ALG6: variants seen among roughly 807,000 people sequenced by gnomAD.
ALG6 encodes the protein dolichyl pyrophosphate Man9GlcNAc2 alpha-1,3-glucosyltransferase.
Under a neutral mutation model 66.6 loss-of-function variants are expected in ALG6, and 46 were observed. The ratio of observed to expected loss-of-function variants is 0.69; its 90% CI spans 0.55 to 0.88. ALG6 has a LOEUF of 0.88. Ranked by LOEUF, ALG6 falls within the 40% of genes least tolerant of loss-of-function variation. The pLI, the probability that ALG6 is intolerant of heterozygous loss-of-function variation, is 0.00. For missense variants in ALG6, 505 were observed against 586.8 expected, an observed-to-expected ratio of 0.86 and a Z score of 1.44; for synonymous variants, 185 against 203.7, an observed-to-expected ratio of 0.91 and a Z score of 0.78.
intron 1 of ALG6, among the ~76,000 whole-genome samples, chr1:63,370,174 AAAGT>A (rs960788554): frequency 6.6e-6 from 1 of 152,134 alleles, no homozygotes; most frequent in African/African-American, 2.4e-5. Flanking sequence ...AAAAAAAAAA[AAAGT>A]AAGTGGTTAA....
chr1:63,400,757 C>T (rs1407695003), intron 3 of ALG6, among the ~76,000 whole-genome samples: 1 of 152,098 alleles, frequency 6.6e-6, no homozygotes, highest in Non-Finnish European at 1.5e-5. Context: ...ATTGCTGTAT[C>T]CATCTTAGTT....
At chr1:63,434,292 T>C (rs537508694) in intron 14 of ALG6, among the ~76,000 whole-genome samples, 2 of 152,292 alleles carry the variant, frequency 1.3e-5, no homozygotes, top group African/African-American at 4.8e-5. Context: ...TTGCTGGGGT[T>C]GTGAAAGAGA....
At chr1:63,402,513 C>T (rs1293232635) in intron 4 of ALG6, among the ~76,000 whole-genome samples, 170 bp downstream of exon 4, 1 of 130,328 alleles carries the variant, frequency 7.7e-6, no homozygotes, top group South Asian at 2.5e-4. Context: ...ATCGCCCAGG[C>T]TGGAGTGCAG....
chr1:63,367,732 G>A (rs1647772513), intron 1 of ALG6, 45 bp downstream of exon 1: 2 of 152,300 alleles, frequency 1.3e-5, no homozygotes, highest in Admixed American at 6.5e-5. Context: ...AGGCCAGTGT[G>A]GGGAGGTGCC....
chr1:63,371,318 A>ATCATTTC, intron 2 of ALG6: 1 of 450,742 alleles, frequency 2.2e-6, no homozygotes, highest in South Asian at 2.2e-5. Context: ...ATGATTCTGT[A>ATCATTTC]TTAAACATTG....
chr1:63,422,032 GTA>G (rs1312576250), intron 12 of ALG6, among the ~76,000 whole-genome samples: 1 of 135,126 alleles, frequency 7.4e-6, no homozygotes, highest in African/African-American at 2.8e-5. Flanking sequence ...ATACATATAT[GTA>G]TATATATAAT....
intron 2 of ALG6, among the ~76,000 whole-genome samples, chr1:63,394,061 A>C (rs942524352): frequency 1.1e-4 from 16 of 152,220 alleles, no homozygotes; most frequent in Admixed American, 1.0e-3. Flanking sequence ...ATCTTCTTAG[A>C]GATTATAGCG....
At position 63,367,655 on chromosome 1, in the gene ALG6, A is replaced by AGGCGCGAATCCCAGCGGCC. The variant is rs1208677457; in HGVS notation, c.-235_-217dup. The stretch of plus-strand genomic sequence containing the variant: ...CATGCGCCTTCCTGGGACCCACGGC[A>AGGCGCGAATCCCAGCGGCC]GGCGCGAATCCCAGCGGCCGGCGGG... On this transcript the variant is annotated 5_prime_UTR_variant, in exon 1 of 15. It removes the in-frame stop codon of an upstream open reading frame in the 5' UTR. Transcript: ENST00000263440. The AGGCGCGAATCCCAGCGGCC allele has an allele frequency of 7.2e-5, 11 of 152,290 alleles. No homozygotes were observed. Among genetic ancestry groups the AGGCGCGAATCCCAGCGGCC allele is most frequent in the Non-Finnish European group, 1.5e-4 (10 of 68,116 alleles). The allele number at this position is 152,290 out of a possible 1,614,324, so 9.4% of individuals were successfully genotyped here. A position where few individuals can be genotyped will look rare whatever the true frequency, so the allele number is the denominator to read the frequency against.
Position 63,437,104 on chromosome 1 carries a change from T to A in ALG6, c.*84T>A. 8.4e-7 allele frequency: 1 copy of A among 1,187,834 alleles called. No homozygotes were observed. The highest frequency in any genetic ancestry group is 1.2e-6 in the Non-Finnish European group (1 of 826,416). The allele number at this position is 1,187,834 out of a possible 1,614,324, so 73.6% of individuals were successfully genotyped here. On this transcript the variant is annotated 3_prime_UTR_variant, in exon 15 of 15. Coordinates refer to ENST00000263440, the MANE Select transcript of ALG6 (RefSeq NM_013339.4). ...GGTTTTGTGAACTTTTTGCTATGTA[T>A]AAATGAAATTACCATTTTGAGAACC... is the stretch of plus-strand genomic sequence containing the variant.
chr1:63,386,383 C>A (rs1460424249), intron 2 of ALG6, among the ~76,000 whole-genome samples: 1 of 151,884 alleles, frequency 6.6e-6, no homozygotes, highest in African/African-American at 2.4e-5. Context: ...TTGAATAGGA[C>A]TGATATTAGG....
chr1:63,391,049 T>A (rs963002844), intron 2 of ALG6, among the ~76,000 whole-genome samples: 1 of 152,202 alleles, frequency 6.6e-6, no homozygotes, highest in Non-Finnish European at 1.5e-5. Flanking sequence ...GGACAGTTGC[T>A]GGAGGGTTCT....
At chr1:63,369,822 A>T (rs984007957) in intron 1 of ALG6, among the ~76,000 whole-genome samples, 4 of 150,296 alleles carry the variant, frequency 2.7e-5, no homozygotes, top group Admixed American at 6.6e-5. Context: ...TTTGCTTTTT[A>T]TTTTTTTTTG....
intron 12 of ALG6, among the ~76,000 whole-genome samples, chr1:63,421,978 C>T (rs1644575907): frequency 1.4e-5 from 2 of 146,622 alleles, no homozygotes; most frequent in Non-Finnish European, 3.0e-5. Flanking sequence ...TGTAACAAAC[C>T]TGCATGTTCT....
At chr1:63,382,679 G>GTTTTTTTTTTTTTTTTTTTTTTTT (rs59573321) in intron 2 of ALG6, among the ~76,000 whole-genome samples, 8 of 19,748 alleles carry the variant, frequency 4.1e-4, no homozygotes, top group Non-Finnish European at 6.9e-4. Flanking sequence ...TTTTTTTTTT[G>GTTTTTTTTTTTTTTTTTTTTTTTT]TTTTTTTTTT....
chr1:63,428,627 A>G, intron 12 of ALG6, 106 bp from the exon 13 acceptor site: 2 of 880,154 alleles, frequency 2.3e-6, no homozygotes, highest in Non-Finnish European at 3.4e-6. Context: ...GCTGTTTTTA[A>G]GCTACCGCTG....
intron 14 of ALG6, among the ~76,000 whole-genome samples, chr1:63,431,909 C>G (rs1413923109): frequency 6.6e-6 from 1 of 151,982 alleles, no homozygotes; most frequent in East Asian, 1.9e-4. Flanking sequence ...AATGGATTTC[C>G]TACAGTTTTC....
Position 63,415,976 on chromosome 1 carries a change from T to C in ALG6, c.987+19T>C. 6.6e-7 allele frequency: 1 copy of C among 1,505,592 alleles called. No individual in the cohort carries two copies. The highest frequency in any genetic ancestry group is 9.2e-7 in the Non-Finnish European group (1 of 1,082,148). 93.3% of individuals were successfully genotyped at this position (1,505,592 alleles called of 1,614,324 possible). On this transcript the variant is annotated intron_variant, in intron 11 of 14. Coordinates refer to ENST00000263440, the MANE Select transcript of ALG6 (RefSeq NM_013339.4). ...TACACTGGTAAGTTTTTCATTACTTTAGATACTTAATTCTTGCCACAACTG... is the reference window on the plus strand; with the variant it reads ...TACACTGGTAAGTTTTTCATTACTTCAGATACTTAATTCTTGCCACAACTG...
chr1:63,380,557 T>C (rs1648269378), intron 2 of ALG6, among the ~76,000 whole-genome samples: 1 of 152,212 alleles, frequency 6.6e-6, no homozygotes, highest in African/African-American at 2.4e-5. Flanking sequence ...TTTCCTTTTG[T>C]CTCCTAATTG....
chr1:63,380,183 G>A (rs1648258148), intron 2 of ALG6, among the ~76,000 whole-genome samples: 1 of 152,048 alleles, frequency 6.6e-6, no homozygotes, highest in Non-Finnish European at 1.5e-5. Flanking sequence ...AATGAGGACC[G>A]GCCAACAGTG....
Sources: gnomAD v4.1 joint callset for allele counts (sites outside exome capture counted in the v4.1 genomes callset) on GRCh38, gnomAD v4.1.1 for gene constraint, MANE v1.5 for transcripts, NCBI Gene and HGNC (gene_info 2026-07-23, HGNC 2026-07-21) for gene names.